Variants in RAB11FIP3 observed in about 807,000 individuals in gnomAD.
RAB11FIP3 encodes RAB11 family interacting protein 3.
Under a neutral mutation model 77.8 loss-of-function variants are expected in RAB11FIP3, and 17 were observed. That is an observed-to-expected ratio of 0.22 (90% CI 0.15 to 0.33). The LOEUF is 0.33. Ranked by LOEUF, RAB11FIP3 falls within the 10% of genes least tolerant of loss-of-function variation. The pLI, the probability that RAB11FIP3 is intolerant of heterozygous loss-of-function variation, is 1.00. For synonymous variants in RAB11FIP3, 437 were observed against 448.2 expected, an observed-to-expected ratio of 0.98 and a Z score of 0.31; for missense variants, 1,005 against 1,011.2, an observed-to-expected ratio of 0.99 and a Z score of 0.08.
At position 444,547 on chromosome 16, in the gene RAB11FIP3, C is replaced by T. The variant is rs191026459; in HGVS notation, c.715-16857C>T. Among the ~76,000 whole-genome samples the T allele has an allele frequency of 8.5e-5, 13 of 152,360 alleles. No individual in the cohort carries two copies. The East Asian group carries it at 2.5e-3, about 29-fold the overall frequency. On this transcript the variant is annotated intron_variant, in intron 1 of 13. Transcript: ENST00000262305. ...TTTAGAGCTCCTAGAATTTTGTAGT[C>T]CTCTCAAGATTGGGTTCTGGCCAGG...
At chr16:434,450 A>T (rs1032259016) in intron 1 of RAB11FIP3, among the ~76,000 whole-genome samples, 1 of 150,406 alleles carries the variant, frequency 6.6e-6, no homozygotes, top group Non-Finnish European at 1.5e-5. Context: ...TTTTTGATAT[A>T]GAGTCTCACT....
At chr16:440,160 T>C (rs2055201568) in intron 1 of RAB11FIP3, among the ~76,000 whole-genome samples, 1 of 152,046 alleles carries the variant, frequency 6.6e-6, no homozygotes, top group Non-Finnish European at 1.5e-5. Flanking sequence ...TTGATTAATA[T>C]TTATTTCTTT....
At chr16:458,840 C>T (rs1481017380) in intron 1 of RAB11FIP3, among the ~76,000 whole-genome samples, 1 of 152,172 alleles carries the variant, frequency 6.6e-6, no homozygotes, top group Non-Finnish European at 1.5e-5. Flanking sequence ...TCTTTGCTCT[C>T]TTTTTCTCTT....
At chr16:498,478 G>C (rs774974079) in intron 6 of RAB11FIP3, among the ~76,000 whole-genome samples, 9 of 151,998 alleles carry the variant, frequency 5.9e-5, no homozygotes, top group Admixed American at 1.3e-4. Context: ...CCTGGCCATG[G>C]ATGAAAACTT....
At chr16:492,453 C>T (rs2030548792) in intron 5 of RAB11FIP3, among the ~76,000 whole-genome samples, 1 of 133,988 alleles carries the variant, frequency 7.5e-6, no homozygotes, top group Non-Finnish European at 1.6e-5. Flanking sequence ...CGCCCAGGGC[C>T]CTTCCCGGGG....
intron 1 of RAB11FIP3, among the ~76,000 whole-genome samples, chr16:437,309 C>T (rs1230826011): frequency 6.6e-6 from 1 of 150,558 alleles, no homozygotes; most frequent in East Asian, 2.0e-4. Flanking sequence ...TGGCTCATGC[C>T]TGTAATCCTA....
At chr16:495,440 A>G (rs554980214) in intron 5 of RAB11FIP3, among the ~76,000 whole-genome samples, 1 of 152,240 alleles carries the variant, frequency 6.6e-6, no homozygotes, top group East Asian at 1.9e-4. Context: ...AGGCACCCCT[A>G]GAGAACAGCT....
At chr16:487,131 C>CTTTT (rs34597208) in intron 4 of RAB11FIP3, among the ~76,000 whole-genome samples, 1 of 134,522 alleles carries the variant, frequency 7.4e-6, no homozygotes, top group Admixed American at 7.5e-5. Flanking sequence ...GTTTTGGTTT[C>CTTTT]TTTTTTTTTT....
At chr16:460,043 G>A (rs553791223) in intron 1 of RAB11FIP3, among the ~76,000 whole-genome samples, 8 of 151,644 alleles carry the variant, frequency 5.3e-5, no homozygotes, top group Non-Finnish European at 4.4e-5. Context: ...ACGCCTGGCT[G>A]ATTTTGTATT....
At chr16:460,192 AATTAT>A (rs1433117030) in intron 1 of RAB11FIP3, among the ~76,000 whole-genome samples, 1 of 152,204 alleles carries the variant, frequency 6.6e-6, no homozygotes, top group Admixed American at 6.5e-5. Context: ...TTGTCTTCTT[AATTAT>A]AAGATTTCCT....
At chr16:460,138 C>T (rs768250367) in intron 1 of RAB11FIP3, among the ~76,000 whole-genome samples, 1 of 152,032 alleles carries the variant, frequency 6.6e-6, no homozygotes, top group African/African-American at 2.4e-5. Flanking sequence ...CGGTTTCTCA[C>T]AGTGCTGGGG....
chr16:492,397 CG>C (rs575066245), intron 5 of RAB11FIP3, among the ~76,000 whole-genome samples: 142 of 127,734 alleles, frequency 1.1e-3, no homozygotes, highest in Non-Finnish European at 1.4e-3. Context: ...GAGCCCTCCC[CG>C]GGAGACCCGA....
chr16:452,024 C>T (rs2055416904), intron 1 of RAB11FIP3, among the ~76,000 whole-genome samples: 1 of 152,108 alleles, frequency 6.6e-6, no homozygotes, highest in African/African-American at 2.4e-5. Context: ...TGGCAGGCGC[C>T]TGTAATCCCA....
intron 1 of RAB11FIP3, among the ~76,000 whole-genome samples, chr16:460,051 A>G (rs2055577992): frequency 6.6e-6 from 1 of 151,752 alleles, no homozygotes; most frequent in Non-Finnish European, 1.5e-5. Flanking sequence ...CTGATTTTGT[A>G]TTTTTAGTAG....
At chr16:483,713 C>T (rs1463982404) in intron 4 of RAB11FIP3, among the ~76,000 whole-genome samples, 6 of 152,080 alleles carry the variant, frequency 3.9e-5, no homozygotes, top group African/African-American at 1.4e-4. Context: ...GAGTCTGGCA[C>T]CTTGTGAGGT....
At chr16:443,622 G>C (rs1323248427) in intron 1 of RAB11FIP3, among the ~76,000 whole-genome samples, 2 of 152,202 alleles carry the variant, frequency 1.3e-5, no homozygotes, top group African/African-American at 2.4e-5. Context: ...CTGGAGTGCA[G>C]TGGCGCGATC....
Position 426,458 on chromosome 16 carries a change from G to A in RAB11FIP3, c.452G>A (p.Ser151Asn), listed in dbSNP as rs774024206. 1 of 1,583,018 alleles carries A rather than the reference G, an allele frequency of 6.3e-7. No homozygotes were observed. The highest frequency in any genetic ancestry group is 8.6e-7 in the Non-Finnish European group (1 of 1,165,784). Residue 151 changes from serine (S) to asparagine (N), a missense_variant, in exon 1 of 14, where the codon AGC (serine) becomes AAC (asparagine). Coordinates refer to ENST00000262305, the MANE Select transcript of RAB11FIP3 (RefSeq NM_014700.4). This position sits in a 1 kb window ranked among gnomAD's most constrained non-coding sequence, Gnocchi z 5.0. Reference sequence around the variant, plus strand: ...TTCCGCTTGCAGGGGTCCAGCAGCAGCCACCGAGCGCGGGGCGAGGTCGAC... The same window carrying A: ...TTCCGCTTGCAGGGGTCCAGCAGCAACCACCGAGCGCGGGGCGAGGTCGAC... ...APFRLQGSSSSHRARGEVDVF... is the reference protein window; with the variant it reads ...APFRLQGSSSNHRARGEVDVF...
At chr16:502,946 C>T (rs117188650) in intron 6 of RAB11FIP3, 58 bp from the exon 7 acceptor site, 32,079 of 1,358,358 alleles carry the variant, frequency 0.024, 431 homozygotes, top group Non-Finnish European at 0.028. Flanking sequence ...CTTGTGCTGA[C>T]GGAGCATGTC....
chr16:498,276 C>T (rs1017985518), intron 6 of RAB11FIP3, among the ~76,000 whole-genome samples: 1 of 152,198 alleles, frequency 6.6e-6, no homozygotes, highest in Non-Finnish European at 1.5e-5. Flanking sequence ...CAGGCTCACT[C>T]CATCCTCCCA....
Sources: allele counts gnomAD v4.1 joint callset (sites outside exome capture counted in the v4.1 genomes callset), GRCh38; gene constraint gnomAD v4.1.1; non-coding constraint Gnocchi (gnomAD v3.1); transcripts MANE v1.5; gene names NCBI Gene and HGNC (gene_info 2026-07-23, HGNC 2026-07-21).